S100Z: variants seen among roughly 807,000 people sequenced by gnomAD.
S100Z encodes the protein protein S100-Z.
A neutral mutation model predicts 8.5 loss-of-function variants in S100Z; 11 were observed. The observed-to-expected ratio is 1.30, with a 90% CI of 0.82 to 2.15. S100Z has a LOEUF of 2.15. S100Z is among the 30% of genes most tolerant of loss of function. S100Z has a pLI of 0.00. For missense variants in S100Z, 126 were observed against 117.9 expected (o/e 1.07, Z -0.32); for synonymous variants, 34 against 43.8 (o/e 0.78, Z 0.89).
intron 1 of S100Z, among the ~76,000 whole-genome samples, chr5:76,864,769 C>A (rs1252043309): frequency 2.0e-5 from 3 of 151,852 alleles, no homozygotes; most frequent in Non-Finnish European, 2.9e-5. Flanking sequence ...AGTGCAGTGG[C>A]ACGATCTCGG....
At chr5:76,891,109 G>C (rs536057244) in intron 4 of S100Z, among the ~76,000 whole-genome samples, 1 of 152,046 alleles carries the variant, frequency 6.6e-6, no homozygotes. Context: ...TGATCTGCCC[G>C]CCTTGGGCTC....
chr5:76,945,292 G>A, the S100Z span, among the ~76,000 whole-genome samples: 1 of 152,150 alleles, frequency 6.6e-6, no homozygotes, highest in Non-Finnish European at 1.5e-5. Flanking sequence ...ATTGTCCAAG[G>A]TTTCTTCCCG....
At chr5:76,855,810 T>G (rs1396120878) in intron 1 of S100Z, among the ~76,000 whole-genome samples, 2 of 152,142 alleles carry the variant, frequency 1.3e-5, no homozygotes, top group Admixed American at 1.3e-4. Context: ...GACATGAGAT[T>G]TGGAGTAGCC....
chr5:76,893,948 C>T (rs1743949713), intron 4 of S100Z, among the ~76,000 whole-genome samples: 1 of 152,180 alleles, frequency 6.6e-6, no homozygotes, highest in African/African-American at 2.4e-5. Context: ...AAATAAAGTT[C>T]TAAGCCCCTC....
rs569267909 is a variant in S100Z, at chr5:76,921,464, C to T, written c.*750C>T. ...AAGGTAACAGAGATAGAACTAGGCA[C>T]GATTTTCTATTCTTCTTTCCTTCCT... On this transcript the variant is annotated 3_prime_UTR_variant, in exon 5 of 5. Coordinates refer to ENST00000317593, the MANE Select transcript of S100Z (RefSeq NM_130772.4). The T allele has an allele frequency of 3.3e-5, 5 of 152,264 alleles. No individual in the cohort carries two copies. Among genetic ancestry groups the T allele is most frequent in the African/African-American group, 7.2e-5 (3 of 41,570 alleles). 9.4% of individuals were successfully genotyped at this position (152,264 alleles called of 1,614,324 possible). A position where few individuals can be genotyped will look rare whatever the true frequency, so the allele number is the denominator to read the frequency against.
chr5:76,880,761 C>T (rs553629909), intron 4 of S100Z, among the ~76,000 whole-genome samples: 4 of 152,210 alleles, frequency 2.6e-5, no homozygotes, highest in African/African-American at 9.6e-5. Flanking sequence ...GGGTGCTATC[C>T]TTGAGTTTTT....
chr5:76,887,871 G>A (rs1438235900), intron 4 of S100Z, among the ~76,000 whole-genome samples: 2 of 152,164 alleles, frequency 1.3e-5, no homozygotes, highest in African/African-American at 2.4e-5. Context: ...ATAGGACAGG[G>A]AGAATTTAGA....
At chr5:76,939,430 G>C in the S100Z span, among the ~76,000 whole-genome samples, 1 of 150,856 alleles carries the variant, frequency 6.6e-6, no homozygotes, top group Non-Finnish European at 1.5e-5. Flanking sequence ...GGGATTACAG[G>C]CGTGAGCCAC....
At chr5:76,854,675 C>T (rs1008223269) in intron 1 of S100Z, among the ~76,000 whole-genome samples, 4 of 152,168 alleles carry the variant, frequency 2.6e-5, no homozygotes, top group African/African-American at 9.7e-5. Context: ...GGAAAATTTG[C>T]AGCCTAGCCA....
At chr5:76,893,946 T>C (rs73764776) in intron 4 of S100Z, among the ~76,000 whole-genome samples, 2,766 of 152,240 alleles carry the variant, frequency 0.018, 88 homozygotes, top group African/African-American at 0.062. Flanking sequence ...AAAAATAAAG[T>C]TCTAAGCCCC....
chr5:76,926,589 C>A (rs148002724), downstream of S100Z, among the ~76,000 whole-genome samples: 843 of 152,118 alleles, frequency 5.5e-3, 6 homozygotes, highest in African/African-American at 0.018. Flanking sequence ...GGAGGGAGCT[C>A]CAGAGAAAAC....
At chr5:76,948,921 G>A in the S100Z span, 2 of 152,308 alleles carry the variant, frequency 1.3e-5, no homozygotes, top group South Asian at 2.1e-4. Flanking sequence ...AGAGGGAAAT[G>A]ACACATACTG....
intron 4 of S100Z, among the ~76,000 whole-genome samples, chr5:76,890,666 A>C (rs147289902): frequency 6.6e-6 from 1 of 152,094 alleles, no homozygotes; most frequent in African/African-American, 2.4e-5. Flanking sequence ...ACAAACAAAC[A>C]AAAACAGGAT....
downstream of S100Z, among the ~76,000 whole-genome samples, chr5:76,922,386 T>C (rs577389286): frequency 6.6e-6 from 1 of 152,312 alleles, no homozygotes; most frequent in East Asian, 1.9e-4. Context: ...CTTCAAGAGA[T>C]TACCTGGGAA....
intron 2 of S100Z, among the ~76,000 whole-genome samples, chr5:76,873,539 C>T (rs1465042910): frequency 6.6e-6 from 1 of 152,080 alleles, no homozygotes; most frequent in African/African-American, 2.4e-5. Context: ...AACTCCTGAC[C>T]TCAAGTGATC....
chr5:76,888,087 C>G (rs1231313277), intron 4 of S100Z, among the ~76,000 whole-genome samples: 1 of 151,658 alleles, frequency 6.6e-6, no homozygotes, highest in Non-Finnish European at 1.5e-5. Flanking sequence ...GAAACCCCAT[C>G]TCTACTAAAA....
At chr5:76,886,600 C>T (rs1743644904) in intron 4 of S100Z, among the ~76,000 whole-genome samples, 1 of 152,086 alleles carries the variant, frequency 6.6e-6, no homozygotes, top group African/African-American at 2.4e-5. Flanking sequence ...TCTCATATGT[C>T]CGTGTGAAGA....
chr5:76,853,351 C>A (rs536079016), intron 1 of S100Z, among the ~76,000 whole-genome samples: 1 of 152,228 alleles, frequency 6.6e-6, no homozygotes, highest in South Asian at 2.1e-4. Context: ...AGATCTTGGG[C>A]CCTTGATAGC....
At chr5:76,901,369 G>T (rs559938634) in intron 4 of S100Z, among the ~76,000 whole-genome samples, 3 of 152,204 alleles carry the variant, frequency 2.0e-5, no homozygotes, top group Non-Finnish European at 4.4e-5. Context: ...AGGAGTCAGG[G>T]ACTAGAGTAA....
Sources: allele counts gnomAD v4.1 joint callset (sites outside exome capture counted in the v4.1 genomes callset), GRCh38; gene constraint gnomAD v4.1.1; transcripts MANE v1.5; gene names NCBI Gene and HGNC (gene_info 2026-07-23, HGNC 2026-07-21).